TSC2: variants seen among roughly 807,000 people sequenced by gnomAD.
TSC2 encodes TSC complex subunit 2, also known as tuberin.
A neutral mutation model predicts 202.2 loss-of-function variants in TSC2; 29 were observed. That is an observed-to-expected ratio of 0.14 (90% CI 0.11 to 0.20). The LOEUF (loss-of-function observed/expected upper bound fraction) is 0.20, where lower values mean the gene tolerates loss of function less well. Ranked by LOEUF, TSC2 falls within the 10% of genes least tolerant of loss-of-function variation. The pLI is 1.00. For synonymous variants in TSC2, 1,349 were observed against 1,044.0 expected, an observed-to-expected ratio of 1.29 and a Z score of -5.63; for missense variants, 2,429 against 2,420.0, an observed-to-expected ratio of 1.00 and a Z score of -0.08.
Position 2,089,364 on chromosome 16 carries a change from T to C in TSC2, c.*754T>C, listed in dbSNP as rs1596469335. The C allele has an allele frequency of 2.7e-6, 1 of 368,834 alleles. No homozygotes were observed. The highest frequency in any genetic ancestry group is 2.1e-5 in the African/African-American group (1 of 48,682). 22.8% of individuals were successfully genotyped at this position (368,834 alleles called of 1,614,324 possible). A position where few individuals can be genotyped will look rare whatever the true frequency, so the allele number is the denominator to read the frequency against. On this transcript the variant is annotated 3_prime_UTR_variant, in exon 42 of 42. Coordinates refer to ENST00000219476, the MANE Select transcript of TSC2 (RefSeq NM_000548.5). ...TAACTTAGGGGCAGGGTGGCGGCGGTGCAGGCTAACCCTCCCTGAAGCCAG... is the reference window on the plus strand; with the variant it reads ...TAACTTAGGGGCAGGGTGGCGGCGGCGCAGGCTAACCCTCCCTGAAGCCAG...
chr16:2,079,806 G>A lies in TSC2; in HGVS notation c.3397+137G>A. On this transcript the variant is annotated intron_variant, in intron 29 of 41. Coordinates refer to ENST00000219476, the MANE Select transcript of TSC2 (RefSeq NM_000548.5). This position sits in a 1 kb window ranked among gnomAD's most constrained non-coding sequence, Gnocchi z 4.6. ...GCCCGGCCCACGTCCTGACTCTGGG[G>A]TGAGCCTTCCACAGCTCACCCCAGA... 9 of 858,864 alleles carry A rather than the reference G, an allele frequency of 1.0e-5. No homozygotes were observed. The highest frequency in any genetic ancestry group is 1.4e-5 in the Non-Finnish European group (8 of 569,692). The allele number at this position is 858,864 out of a possible 1,614,324, so 53.2% of individuals were successfully genotyped here. A position where few individuals can be genotyped will look rare whatever the true frequency, so the allele number is the denominator to read the frequency against.
Position 2,062,481 on chromosome 16 carries a change from G to A in TSC2, c.1258-16G>A. On this transcript the variant is annotated splice_polypyrimidine_tract_variant and intron_variant, in intron 12 of 41. Coordinates refer to ENST00000219476, the MANE Select transcript of TSC2 (RefSeq NM_000548.5). Reference sequence around the variant, plus strand: ...CCGGAGGGGCAGAGGGGCAACACCGGCTCTTCTTTTGACAGGAGTCCTCCC... The same window carrying A: ...CCGGAGGGGCAGAGGGGCAACACCGACTCTTCTTTTGACAGGAGTCCTCCC... The A allele has an allele frequency of 6.2e-7, 1 of 1,601,320 alleles. No individual in the cohort carries two copies. Among genetic ancestry groups the A allele is most frequent in the Non-Finnish European group, 8.5e-7 (1 of 1,172,826 alleles).
At chr16:2,048,853 C>G (rs1008992459) in intron 2 of TSC2, 100 bp downstream of exon 2, 7 of 1,537,994 alleles carry the variant, frequency 4.6e-6, no homozygotes, top group East Asian at 2.2e-5. Flanking sequence ...TTGCTGGCAA[C>G]TGTCTACACA....
intron 17 of TSC2, chr16:2,071,264 C>G: frequency 1.7e-6 from 1 of 582,044 alleles, no homozygotes; most frequent in Non-Finnish European, 3.1e-6. Context: ...GCGGGCCCAG[C>G]TGTGGTGGTG....
At chr16:2,080,086 C>T (rs552544071) in intron 29 of TSC2, 79 bp from the exon 30 acceptor site, 51 of 1,584,620 alleles carry the variant, frequency 3.2e-5, no homozygotes, top group East Asian at 1.3e-4. Context: ...TTGCCAGGCT[C>T]GGGGGGAGCA....
rs748300709 is a variant in TSC2, at chr16:2,071,890, C to T, written c.2053C>T (p.Pro685Ser). 2 of 1,596,802 alleles carry T rather than the reference C, an allele frequency of 1.3e-6. No homozygotes were observed. The highest frequency in any genetic ancestry group is 1.7e-6 in the Non-Finnish European group (2 of 1,172,324). ...AGPAVRLGSV[P>S]YSLLFRVLLQ... The stretch of plus-strand genomic sequence containing the variant: ...CCCCGCCGTGCGGCTGGGGTCCGTG[C>T]CCTACTCCCTGCTCTTCCGCGTCCT... Residue 685 changes from proline to serine, a missense_variant, in exon 19 of 42, where the codon CCC becomes TCC. Pro to Ser is a moderately conservative substitution (Grantham distance 74). Coordinates refer to ENST00000219476, the MANE Select transcript of TSC2 (RefSeq NM_000548.5).
intron 32 of TSC2, chr16:2,083,484 C>A: frequency 1.2e-6 from 1 of 807,558 alleles, no homozygotes; most frequent in Non-Finnish European, 2.0e-6. Context: ...CCCCCGGGCA[C>A]TCATGCAGGA....
rs567756494 is a variant in TSC2, at chr16:2,056,226, G to A, written c.630G>A (p.Ala210=). Residue 210 remains alanine, a synonymous_variant, in exon 7 of 42, where the codon GCG becomes GCA. Transcript: ENST00000219476. ...TCTGTCTGCTGTGCGTCCGGACCGCGTCCTCTGTGGACATAGAGGTCAGTG... is the reference window on the plus strand; with the variant it reads ...TCTGTCTGCTGTGCGTCCGGACCGCATCCTCTGTGGACATAGAGGTCAGTG... ...QMICLLCVRT[A]SSVDIEVSLQ... 9.0e-5 allele frequency: 145 copies of A among 1,614,014 alleles called. 1 individual carries two copies. In the East Asian group the frequency reaches 2.6e-3, roughly 29 times the overall value.
At position 2,050,428 on chromosome 16, in the gene TSC2, A is replaced by G. The variant is rs144165984; in HGVS notation, c.167A>G (p.Asn56Ser). The change falls in exon 3 of 42, where the codon AAT (asparagine) becomes AGT (serine). Residue 56 changes from asparagine (N) to serine (S), a missense_variant. By Grantham distance (46) the Asn-to-Ser change is conservative (BLOSUM62 1). Transcript: ENST00000219476. ...CTGAGCATGGAATGTGGCCTCAACA[A>G]TCGCATCCGGATGATAGGGCAGATT... ...RELSMECGLN[N>S]RIRMIGQICE... The G allele has an allele frequency of 4.6e-5, 74 of 1,613,720 alleles. No homozygotes were observed. In the African/African-American group the frequency reaches 5.9e-4, roughly 13 times the overall value.
At chr16:2,058,925 C>CA in intron 10 of TSC2, 52 bp downstream of exon 10, 1 of 1,578,946 alleles carries the variant, frequency 6.3e-7, no homozygotes, top group Non-Finnish European at 8.6e-7. Context: ...GAGCTCCCCT[C>CA]ACGCCTGCCC....
chr16:2,072,399 C>A (rs1219991466), intron 20 of TSC2, 36 bp downstream of exon 20: 2 of 1,612,222 alleles, frequency 1.2e-6, no homozygotes, highest in Non-Finnish European at 1.7e-6. Flanking sequence ...GTGGGGGACC[C>A]AGTAGGGTTT....
At chr16:2,085,080 T>C (rs2090597984) in intron 35 of TSC2, 54 bp downstream of exon 35, 2 of 1,609,250 alleles carry the variant, frequency 1.2e-6, no homozygotes, top group South Asian at 2.2e-5. Context: ...CTCGGGTGAA[T>C]GGTGGGGGGC....
intron 2 of TSC2, among the ~76,000 whole-genome samples, chr16:2,049,570 A>G (rs1364194850): frequency 6.6e-6 from 1 of 151,778 alleles, no homozygotes; most frequent in Non-Finnish European, 1.5e-5. Flanking sequence ...CACGCCTGTC[A>G]TCCCAGCACT....
intron 31 of TSC2, chr16:2,082,205 G>T: frequency 1.6e-6 from 1 of 607,588 alleles, no homozygotes; most frequent in South Asian, 1.9e-5. Flanking sequence ...TCTTCCCTGT[G>T]GCTGCAGATG....
At chr16:2,060,843 A>C (rs2151140373) in intron 11 of TSC2, 30 bp downstream of exon 11, 1 of 1,611,138 alleles carries the variant, frequency 6.2e-7, no homozygotes, top group Non-Finnish European at 8.5e-7. Flanking sequence ...TCCGGGGAGC[A>C]CCGGGAACCC....
chr16:2,086,655 CAGG>C (rs1404980715), intron 37 of TSC2, 74 bp from the exon 38 acceptor site: 1 of 1,592,384 alleles, frequency 6.3e-7, no homozygotes, highest in African/African-American at 1.3e-5. Context: ...CTGGAGTAAT[CAGG>C]AGGTGCCCCA....
At position 2,057,067 on chromosome 16, in the gene TSC2, T is replaced by C. The variant is rs764152792; in HGVS notation, c.775-38T>C. ...CGGGACTGGGGCTGGGGGCAGGGCT[T>C]ATGCCTGCCAGCCCCTGACACGCAT... On this transcript the variant is annotated intron_variant, in intron 8 of 41. Transcript: ENST00000219476. 3.9e-4 allele frequency: 598 copies of C among 1,548,496 alleles called. 1 individual carries two copies. The highest frequency in any genetic ancestry group is 5.0e-4 in the Non-Finnish European group (577 of 1,145,390).
intron 10 of TSC2, 56 bp downstream of exon 10, chr16:2,058,929 C>T: frequency 6.3e-7 from 1 of 1,577,260 alleles, no homozygotes; most frequent in Non-Finnish European, 8.6e-7. Context: ...TCCCCTCACG[C>T]CTGCCCACCC....
Position 2,079,360 on chromosome 16 carries a change from C to T in TSC2, c.3216C>T (p.Ser1072=), listed in dbSNP as rs1306234469. Residue 1072 remains serine (S), a synonymous_variant, in exon 28 of 42, where the codon AGC becomes AGT. Coordinates refer to ENST00000219476, the MANE Select transcript of TSC2 (RefSeq NM_000548.5). The surrounding 1 kb of genome is among the most constrained non-coding windows in gnomAD (Gnocchi z 4.6). ...VGNKLVTVTT[S]VGTGTRSLLG... ...ACAAGCTTGTCACTGTGACGACAAG[C>T]GTGGGAACCGGGACCCGGTCGTTAC... 5.0e-6 allele frequency: 8 copies of T among 1,612,746 alleles called. No homozygotes were observed. Among genetic ancestry groups the T allele is most frequent in the Admixed American group, 1.7e-5 (1 of 60,008 alleles).
Sources: gnomAD v4.1 joint callset for allele counts (sites outside exome capture counted in the v4.1 genomes callset) on GRCh38, gnomAD v4.1.1 for gene constraint, Gnocchi (gnomAD v3.1) non-coding constraint, MANE v1.5 for transcripts, NCBI Gene and HGNC (gene_info 2026-07-23, HGNC 2026-07-21) for gene names.